WDPCP: variants seen among roughly 807,000 people sequenced by gnomAD.
WDPCP encodes the protein WD repeat containing planar cell polarity effector, also known as WD repeat-containing and planar cell polarity effector protein fritz homolog.
WDPCP carries 71 observed loss-of-function variants against 93.1 expected under a neutral mutation model. That is an observed-to-expected ratio of 0.76 (90% CI 0.63 to 0.93). The LOEUF (loss-of-function observed/expected upper bound fraction) is 0.93. Among genes scored for constraint, WDPCP ranks in the 40% least tolerant of loss-of-function variants. The pLI, the probability that WDPCP is intolerant of heterozygous loss-of-function variation, is 0.00. For synonymous variants in WDPCP, 315 were observed against 315.0 expected, an observed-to-expected ratio of 1.00 and a Z score of 0.00; for missense variants, 844 against 887.4, an observed-to-expected ratio of 0.95 and a Z score of 0.62.
chr2:63,287,747 C>T (rs953284987), intron 13 of WDPCP, among the ~76,000 whole-genome samples: 2 of 152,166 alleles, frequency 1.3e-5, no homozygotes, highest in African/African-American at 4.8e-5. Flanking sequence ...TTTATGTGTA[C>T]ACTCAATCTA....
upstream of WDPCP, among the ~76,000 whole-genome samples, chr2:63,830,317 C>G (rs1409811713): frequency 6.6e-6 from 1 of 152,038 alleles, no homozygotes; most frequent in Admixed American, 6.6e-5. Context: ...GATCTCATTA[C>G]TGGGATCTCA....
Position 63,677,863 on chromosome 2 carries a change from C to T in WDPCP, n.309-27025G>A, listed in dbSNP as rs144157346. Among the ~76,000 whole-genome samples the T allele has an allele frequency of 5.7e-3, 871 of 152,082 alleles. 9 individuals carry two copies. The highest frequency in any genetic ancestry group is 0.02 in the African/African-American group (845 of 41,490). ...GAAAAAGCAATGGATAGGGTAAATG[C>T]GTGGGTAAATCTACATGAATATTGC... On this transcript the variant is annotated intron_variant and non_coding_transcript_variant, in intron 2 of 4. Transcript: ENST00000467687.
At chr2:63,367,050 G>T (rs1257464707) in intron 12 of WDPCP, among the ~76,000 whole-genome samples, 1 of 150,596 alleles carries the variant, frequency 6.6e-6, no homozygotes, top group Admixed American at 6.6e-5. Context: ...ATATTTATAT[G>T]AATATATATA....
At position 63,801,775 on chromosome 2, in the gene WDPCP, C is replaced by T. The variant is rs796581756; in HGVS notation, n.308+11847G>A. Among the ~76,000 whole-genome samples, 96 of 152,260 alleles carry T rather than the reference C, an allele frequency of 6.3e-4. 1 individual carries two copies. Among genetic ancestry groups the T allele is most frequent in the African/African-American group, 2.2e-3 (93 of 41,560 alleles). Reference sequence around the variant, plus strand: ...ACAGGAAAGTTCCCCAAGTTCCCACCCTACCCAGAAAGTCCAGCTGGCCTC... The same window carrying T: ...ACAGGAAAGTTCCCCAAGTTCCCACTCTACCCAGAAAGTCCAGCTGGCCTC... On this transcript the variant is annotated intron_variant and non_coding_transcript_variant, in intron 2 of 4. Coordinates refer to the WDPCP transcript ENST00000467687.
At chr2:63,249,918 T>G (rs964689429) in intron 14 of WDPCP, among the ~76,000 whole-genome samples, 1 of 152,230 alleles carries the variant, frequency 6.6e-6, no homozygotes, top group Non-Finnish European at 1.5e-5. Flanking sequence ...GCTGTAACTT[T>G]TGCAGTTTGA....
chr2:63,418,269 T>C (rs1695577671), intron 9 of WDPCP, among the ~76,000 whole-genome samples: 1 of 152,090 alleles, frequency 6.6e-6, no homozygotes, highest in Admixed American at 6.5e-5. Flanking sequence ...GAATTACTAG[T>C]CAAGAGATGA....
intron 6 of WDPCP, among the ~76,000 whole-genome samples, chr2:63,476,130 G>A (rs917194888): frequency 3.3e-5 from 5 of 152,032 alleles, no homozygotes; most frequent in South Asian, 4.1e-4. Flanking sequence ...CAGGGCCTCT[G>A]GTTCTCACGT....
At chr2:63,438,385 T>C (rs1036213872) in intron 7 of WDPCP, among the ~76,000 whole-genome samples, 1 of 152,082 alleles carries the variant, frequency 6.6e-6, no homozygotes, top group Admixed American at 6.6e-5. Context: ...GAAATCACAT[T>C]GTTACCATGT....
chr2:63,627,406 GA>G (rs1208753214), intron 3 of WDPCP, among the ~76,000 whole-genome samples: 4 of 152,288 alleles, frequency 2.6e-5, no homozygotes, highest in East Asian at 1.9e-4. Context: ...AGGAGGCAGA[GA>G]AATTCTAGGC....
At position 63,433,946 on chromosome 2, in the gene WDPCP, T is replaced by C; in HGVS notation, c.634-10A>G. 7 of 1,612,550 alleles carry C rather than the reference T, an allele frequency of 4.3e-6. No individual in the cohort carries two copies. The highest frequency in any genetic ancestry group is 5.9e-6 in the Non-Finnish European group (7 of 1,179,138). ...TTTCATAATAGAAAATCTAACAATT[T>C]TAAAAAAGCATACATGAAACATTTC... On this transcript the variant is annotated splice_polypyrimidine_tract_variant and intron_variant, in intron 8 of 17. Coordinates refer to ENST00000272321, the MANE Select transcript of WDPCP (RefSeq NM_015910.7).
chr2:63,123,328 A>T (rs1444096613), intron 17 of WDPCP, among the ~76,000 whole-genome samples: 1 of 152,036 alleles, frequency 6.6e-6, no homozygotes, highest in Non-Finnish European at 1.5e-5. Flanking sequence ...AAATTATTTT[A>T]TTTTCTTAAT....
chr2:63,135,879 G>A (rs779796372), intron 17 of WDPCP, among the ~76,000 whole-genome samples: 2 of 152,012 alleles, frequency 1.3e-5, no homozygotes, highest in Admixed American at 6.6e-5. Context: ...CTACAGGCAC[G>A]TGTACCGTGT....
At chr2:63,579,261 A>G (rs181313899) in intron 1 of WDPCP, among the ~76,000 whole-genome samples, 1 of 152,320 alleles carries the variant, frequency 6.6e-6, no homozygotes, top group East Asian at 1.9e-4. Context: ...ATCAAAGATC[A>G]TCTGTCTTGA....
intron 15 of WDPCP, among the ~76,000 whole-genome samples, chr2:63,170,981 TC>T (rs544800379): frequency 4.9e-4 from 74 of 151,252 alleles, no homozygotes; most frequent in Middle Eastern, 3.4e-3. Context: ...GAGTTTTTTT[TC>T]TTCCTCAAAA....
At chr2:63,799,386 G>GA (rs1670661866) in intron 2 of WDPCP, among the ~76,000 whole-genome samples, 1 of 152,164 alleles carries the variant, frequency 6.6e-6, no homozygotes, top group Non-Finnish European at 1.5e-5. Flanking sequence ...TGAGATAACT[G>GA]AAGCTTACTG....
intron 3 of WDPCP, chr2:63,605,298 G>A (rs368069270): frequency 9.9e-6 from 16 of 1,613,612 alleles, no homozygotes; most frequent in African/African-American, 2.7e-5. Flanking sequence ...GCAGCGTGGC[G>A]CTGCTGTCAT....
At chr2:63,355,003 C>T (rs183569503) in intron 12 of WDPCP, among the ~76,000 whole-genome samples, 106 of 152,280 alleles carry the variant, frequency 7.0e-4, no homozygotes, top group Middle Eastern at 6.8e-3. Context: ...AGAAAGCAAA[C>T]ATGTGGAAAA....
chr2:63,559,508 C>T (rs2106403157), intron 1 of WDPCP, among the ~76,000 whole-genome samples: 1 of 152,212 alleles, frequency 6.6e-6, no homozygotes, highest in Non-Finnish European at 1.5e-5. Flanking sequence ...TGACATGATC[C>T]TATATCTAGA....
Position 63,536,625 on chromosome 2 carries a change from TA to T in WDPCP, c.76-43686del, listed in dbSNP as rs200731349. Among the ~76,000 whole-genome samples the T allele has an allele frequency of 3.4e-3, 515 of 149,968 alleles. 4 individuals are homozygous for T. Among genetic ancestry groups the T allele is most frequent in the African/African-American group, 0.011 (439 of 40,750 alleles). ...TATCGCAAGGACAGAAAATTAAATATAAAAAAAAATTATCTGTAATATACTT... is the reference window on the plus strand; with the variant it reads ...TATCGCAAGGACAGAAAATTAAATATAAAAAAAATTATCTGTAATATACTT... On this transcript the variant is annotated intron_variant, in intron 1 of 17. Transcript: ENST00000272321.
Sources: gnomAD v4.1 joint callset for allele counts (sites outside exome capture counted in the v4.1 genomes callset) on GRCh38, gnomAD v4.1.1 for gene constraint, MANE v1.5 for transcripts, NCBI Gene and HGNC (gene_info 2026-07-23, HGNC 2026-07-21) for gene names.